Variants in LRRC49 observed in about 807,000 individuals in gnomAD.
The protein encoded by LRRC49 is leucine rich repeat containing 49.
A neutral mutation model predicts 83.3 loss-of-function variants in LRRC49; 50 were observed. The observed-to-expected ratio is 0.60, with a 90% CI of 0.48 to 0.76. The LOEUF is 0.76. Ranked by LOEUF, LRRC49 falls within the 30% of genes least tolerant of loss-of-function variation. The pLI is 0.00. For synonymous variants in LRRC49, 286 were observed against 283.3 expected (o/e 1.01, Z -0.10); for missense variants, 704 against 809.1 (o/e 0.87, Z 1.58).
chr15:70,966,853 G>C (rs1340063603), intron 9 of LRRC49, among the ~76,000 whole-genome samples: 2 of 152,056 alleles, frequency 1.3e-5, no homozygotes, highest in Non-Finnish European at 2.9e-5. Context: ...ATGCCCTAAA[G>C]TTACTTGCAG....
At chr15:71,037,995 A>G (rs2039577590) in intron 15 of LRRC49, among the ~76,000 whole-genome samples, 1 of 152,170 alleles carries the variant, frequency 6.6e-6, no homozygotes, top group Non-Finnish European at 1.5e-5. Context: ...AAGCTGAAGA[A>G]ACAACTTATC....
rs532478422 is a variant in LRRC49 at position 70,899,134 on chromosome 15, T to A, written c.194-1788T>A. Among the ~76,000 whole-genome samples, 14 of 152,314 alleles carry A rather than the reference T, an allele frequency of 9.2e-5. No individual in the cohort carries two copies. In the South Asian group the frequency reaches 2.7e-3, roughly 29 times the overall value. The stretch of plus-strand genomic sequence containing the variant: ...AAGTTTAAGGATAAAATTCCTTTAT[T>A]CACTGAGTGTAAATTTAATCTTTGG... On this transcript the variant is annotated intron_variant, in intron 3 of 15. Coordinates refer to ENST00000260382, the MANE Select transcript of LRRC49 (RefSeq NM_017691.5).
intron 1 of LRRC49, chr15:70,858,745 G>A (rs1187702658): frequency 3.5e-6 from 4 of 1,144,450 alleles, no homozygotes; most frequent in Non-Finnish European, 3.8e-6. Context: ...AGTCCTACAA[G>A]ATGTCCACCT....
chr15:70,957,971 T>G (rs2036462137), intron 8 of LRRC49, among the ~76,000 whole-genome samples: 1 of 152,204 alleles, frequency 6.6e-6, no homozygotes, highest in Non-Finnish European at 1.5e-5. Flanking sequence ...GCACACATTT[T>G]AAGTGTAGAG....
At chr15:71,008,262 T>C in intron 11 of LRRC49, 117 bp from the exon 12 acceptor site, 1 of 616,186 alleles carries the variant, frequency 1.6e-6, no homozygotes, top group East Asian at 2.6e-5. Context: ...GCTCTAGGTT[T>C]AATTACTGAA....
intron 14 of LRRC49, among the ~76,000 whole-genome samples, chr15:71,024,334 C>T (rs2039089168): frequency 6.6e-6 from 1 of 152,200 alleles, no homozygotes; most frequent in African/African-American, 2.4e-5. Flanking sequence ...GGTTGCCAGA[C>T]ACCTTATACT....
chr15:70,899,270 A>G (rs7181412), intron 3 of LRRC49, among the ~76,000 whole-genome samples: 6,429 of 152,252 alleles, frequency 0.042, 162 homozygotes, highest in Non-Finnish European at 0.056. Flanking sequence ...AATGCTAACA[A>G]GAGAAACTGA....
chr15:71,051,509 A>T lies in LRRC49; in HGVS notation c.*1897A>T, dbSNP rs563310235. ...GAAATGAGATCCCAGCTTGAAGGTG[A>T]TGTTGAGAGGAGAACCAAGAGTATA... On this transcript the variant is annotated 3_prime_UTR_variant, in exon 16 of 16. Coordinates refer to ENST00000260382, the MANE Select transcript of LRRC49 (RefSeq NM_017691.5). The T allele has an allele frequency of 4.6e-5, 7 of 152,376 alleles. No homozygotes were observed. The highest frequency in any genetic ancestry group is 1.7e-4 in the African/African-American group (7 of 41,566). 9.4% of individuals were successfully genotyped at this position (152,376 alleles called of 1,614,324 possible). A position where few individuals can be genotyped will look rare whatever the true frequency, so the allele number is the denominator to read the frequency against.
intron 11 of LRRC49, among the ~76,000 whole-genome samples, chr15:71,004,182 T>C (rs1202625956): frequency 6.6e-6 from 1 of 152,202 alleles, no homozygotes; most frequent in African/African-American, 2.4e-5. Context: ...CTCCAGCTCC[T>C]ACTCCCCTCC....
chr15:71,031,468 G>A (rs1329972718), intron 14 of LRRC49, among the ~76,000 whole-genome samples: 8 of 152,208 alleles, frequency 5.3e-5, no homozygotes, highest in African/African-American at 7.2e-5. Context: ...CAGGAGGCAC[G>A]GGGGTCAGGG....
At chr15:70,940,431 G>T (rs1017275227) in intron 8 of LRRC49, among the ~76,000 whole-genome samples, 1 of 151,818 alleles carries the variant, frequency 6.6e-6, no homozygotes, top group African/African-American at 2.4e-5. Flanking sequence ...TAATTTTTTT[G>T]TGTGTGTTTT....
At chr15:70,862,357 T>C (rs2032813567) in intron 1 of LRRC49, among the ~76,000 whole-genome samples, 1 of 151,960 alleles carries the variant, frequency 6.6e-6, no homozygotes, top group Admixed American at 6.6e-5. Flanking sequence ...GGCGGGCGTA[T>C]CACAAGGCCA....
intron 2 of LRRC49, chr15:70,882,028 C>T (rs1044690026): frequency 1.9e-5 from 3 of 156,134 alleles, no homozygotes; most frequent in Non-Finnish European, 4.2e-5. Context: ...TCAGGCTTGG[C>T]TGTGCTCACT....
At chr15:70,988,678 T>G (rs1183734256) in intron 11 of LRRC49, among the ~76,000 whole-genome samples, 1 of 152,024 alleles carries the variant, frequency 6.6e-6, no homozygotes, top group Non-Finnish European at 1.5e-5. Flanking sequence ...ATCCTGTCAT[T>G]ATGATGTTAG....
At chr15:71,030,155 T>C (rs1337695640) in intron 14 of LRRC49, among the ~76,000 whole-genome samples, 1 of 152,222 alleles carries the variant, frequency 6.6e-6, no homozygotes, top group African/African-American at 2.4e-5. Context: ...CAGTGGCTGG[T>C]ACCAATTTTT....
At chr15:70,866,845 C>G (rs2032924512) in intron 1 of LRRC49, among the ~76,000 whole-genome samples, 1 of 151,852 alleles carries the variant, frequency 6.6e-6, no homozygotes, top group Non-Finnish European at 1.5e-5. Context: ...ATTTGAATCC[C>G]CCAGGGTCAT....
rs548243776 is a variant in LRRC49, at chr15:70,976,731, T to C, written c.922-3370T>C. Among the ~76,000 whole-genome samples, 6 of 152,278 alleles carry C rather than the reference T, an allele frequency of 3.9e-5. No homozygotes were observed. In the South Asian group the frequency reaches 8.3e-4, roughly 21 times the overall value. ...TTATTTTTTTATTTTTATTTTTTGC[T>C]ATGTAAAGGATATGGCTTTTGTCCC... On this transcript the variant is annotated intron_variant, in intron 9 of 15. Coordinates refer to ENST00000260382, the MANE Select transcript of LRRC49 (RefSeq NM_017691.5).
chr15:70,901,053 T>C (rs1230610191), intron 4 of LRRC49, 29 bp downstream of exon 4: 14 of 1,381,458 alleles, frequency 1.0e-5, no homozygotes, highest in African/African-American at 1.4e-5. Flanking sequence ...CTTTTCTTTT[T>C]TTTGACTAGG....
chr15:70,949,346 A>G (rs375078269), intron 8 of LRRC49, among the ~76,000 whole-genome samples: 9 of 152,222 alleles, frequency 5.9e-5, no homozygotes, highest in Admixed American at 3.3e-4. Flanking sequence ...TAGTGATATC[A>G]TAGCCATTAT....
Sources: gnomAD v4.1 joint callset for allele counts (sites outside exome capture counted in the v4.1 genomes callset) on GRCh38, gnomAD v4.1.1 for gene constraint, MANE v1.5 for transcripts, NCBI Gene and HGNC (gene_info 2026-07-23, HGNC 2026-07-21) for gene names.